Variants in GABRB3 observed in about 807,000 individuals in gnomAD.
GABRB3 encodes gamma-aminobutyric acid type A receptor subunit beta3.
GABRB3 carries 14 observed loss-of-function variants against 52.1 expected under a neutral mutation model. The observed-to-expected ratio is 0.27, with a 90% CI of 0.18 to 0.42. The LOEUF (loss-of-function observed/expected upper bound fraction) is 0.42, where lower values mean the gene tolerates loss of function less well. Ranked by LOEUF, GABRB3 falls within the 10% of genes least tolerant of loss-of-function variation. GABRB3 has a pLI of 1.00. For missense variants in GABRB3, 307 were observed against 609.1 expected (o/e 0.50, Z 5.22); for synonymous variants, 260 against 232.3 (o/e 1.12, Z -1.08).
intron 3 of GABRB3, among the ~76,000 whole-genome samples, chr15:26,631,668 G>C (rs771829465): frequency 6.6e-6 from 1 of 152,184 alleles, no homozygotes; most frequent in East Asian, 1.9e-4. Context: ...TACAAGGAAG[G>C]TTAGGCTGAG....
intron 8 of GABRB3, 35 bp downstream of exon 8, chr15:26,560,897 G>T: frequency 6.2e-7 from 1 of 1,612,796 alleles, no homozygotes; most frequent in South Asian, 1.1e-5. Context: ...CTGAGCTGCA[G>T]GGACCAGGTG....
intron 4 of GABRB3, chr15:26,616,201 GGTGGCTGAGCC>G: frequency 1.6e-6 from 1 of 637,238 alleles, no homozygotes; most frequent in Non-Finnish European, 2.5e-6. Context: ...GAGGATGGAG[GGTGGCTGAGCC>G]ATGTGAGCAC....
At chr15:26,578,822 G>T (rs999059075) in intron 6 of GABRB3, among the ~76,000 whole-genome samples, 1 of 152,218 alleles carries the variant, frequency 6.6e-6, no homozygotes, top group African/African-American at 2.4e-5. Context: ...CCCAGTTTTA[G>T]AAGTAACATA....
chr15:26,771,375 G>A (rs1891138230), intron 3 of GABRB3, among the ~76,000 whole-genome samples: 1 of 152,134 alleles, frequency 6.6e-6, no homozygotes, highest in Non-Finnish European at 1.5e-5. Flanking sequence ...TTGCCCACGT[G>A]ATTCCGACGT....
chr15:26,553,637 C>T (rs893269352), intron 8 of GABRB3: 1 of 152,098 alleles, frequency 6.6e-6, no homozygotes, highest in African/African-American at 2.4e-5. Context: ...TCATCCACTT[C>T]AGGACGTGCG....
rs1261178675 is a variant in GABRB3, at chr15:26,628,905, G to C, written c.241-7371C>G. ...AGGCCTTGGAAATCCGAGCTGGGAG[G>C]TGTGGGGGAGTCAGGTGCAAGAGCG... On this transcript the variant is annotated intron_variant, in intron 3 of 8. Coordinates refer to ENST00000311550, the MANE Select transcript of GABRB3 (RefSeq NM_000814.6). The C allele has an allele frequency of 1.1e-5, 15 of 1,417,154 alleles. No individual in the cohort carries two copies. In the Middle Eastern group the frequency reaches 5.2e-4, roughly 49 times the overall value. 87.8% of individuals were successfully genotyped at this position (1,417,154 alleles called of 1,614,324 possible). A position where few individuals can be genotyped will look rare whatever the true frequency, so the allele number is the denominator to read the frequency against.
In GABRB3 at chr15:26,628,940, C is replaced by T. The variant is rs1215425774; in HGVS notation, c.241-7406G>A. 7 of 1,533,486 alleles carry T rather than the reference C, an allele frequency of 4.6e-6. No individual in the cohort carries two copies. The East Asian group carries it at 1.7e-4, about 38-fold the overall frequency. The allele number at this position is 1,533,486 out of a possible 1,614,324, so 95.0% of individuals were successfully genotyped here. A position where few individuals can be genotyped will look rare whatever the true frequency, so the allele number is the denominator to read the frequency against. On this transcript the variant is annotated intron_variant, in intron 3 of 8. Transcript: ENST00000311550. ...GTCAGGTGCAAGAGCGCCTCCACTCCTTGTGACTGCCGAGAGCCCGCGTCC... is the reference window on the plus strand; with the variant it reads ...GTCAGGTGCAAGAGCGCCTCCACTCTTTGTGACTGCCGAGAGCCCGCGTCC...
At chr15:26,772,204 A>G in intron 3 of GABRB3, 198 bp downstream of exon 3, 1 of 491,940 alleles carries the variant, frequency 2.0e-6, no homozygotes. Context: ...CTCCGACGCC[A>G]GCCAGGCCCC....
chr15:26,627,522 G>A (rs1214870699), intron 3 of GABRB3, among the ~76,000 whole-genome samples: 1 of 151,650 alleles, frequency 6.6e-6, no homozygotes, highest in East Asian at 1.9e-4. Context: ...TATAGGAGGA[G>A]GTCAAAATAT....
At chr15:26,593,928 C>T (rs564900050) in intron 4 of GABRB3, among the ~76,000 whole-genome samples, 3 of 148,236 alleles carry the variant, frequency 2.0e-5, no homozygotes, top group South Asian at 2.2e-4. Flanking sequence ...ATCAGCAATC[C>T]CTAAGTGCCT....
chr15:26,599,746 C>CAACAAA (rs1198444924), intron 4 of GABRB3, among the ~76,000 whole-genome samples: 2 of 152,080 alleles, frequency 1.3e-5, no homozygotes, highest in African/African-American at 4.8e-5. Flanking sequence ...AACAAAACAA[C>CAACAAA]AACAAAAACA....
At chr15:26,688,100 G>A (rs945542348) in intron 3 of GABRB3, among the ~76,000 whole-genome samples, 1 of 152,176 alleles carries the variant, frequency 6.6e-6, no homozygotes, top group Non-Finnish European at 1.5e-5. Flanking sequence ...GGTCATTTGA[G>A]TGGAAAGCTC....
rs1595528527 is a variant in GABRB3 at position 26,683,642 on chromosome 15, G to T, written c.241-62108C>A. On this transcript the variant is annotated intron_variant, in intron 3 of 8. Coordinates refer to ENST00000311550, the MANE Select transcript of GABRB3 (RefSeq NM_000814.6). Reference sequence around the variant, plus strand: ...CCTCGTCTCCTGGAACTGGAAGACAGGAGGAATCTCAATACAGATCATGAG... The same window carrying T: ...CCTCGTCTCCTGGAACTGGAAGACATGAGGAATCTCAATACAGATCATGAG... Among the ~76,000 whole-genome samples, 3 of 152,298 alleles carry T rather than the reference G, an allele frequency of 2.0e-5. No individual in the cohort carries two copies. In the Middle Eastern group the frequency reaches 0.01, roughly 518 times the overall value.
chr15:26,738,568 C>G (rs1890124114), intron 3 of GABRB3, among the ~76,000 whole-genome samples: 1 of 152,292 alleles, frequency 6.6e-6, no homozygotes, highest in East Asian at 1.9e-4. Context: ...GTGGTGAATA[C>G]TCTCACACAC....
chr15:26,639,382 G>T (rs567443916), intron 3 of GABRB3, among the ~76,000 whole-genome samples: 1 of 151,186 alleles, frequency 6.6e-6, no homozygotes, highest in Non-Finnish European at 1.5e-5. Flanking sequence ...TACCAAACAG[G>T]TACATTTTTT....
At chr15:26,637,294 CT>C (rs2140566898) in intron 3 of GABRB3, among the ~76,000 whole-genome samples, 2 of 152,342 alleles carry the variant, frequency 1.3e-5, no homozygotes, top group East Asian at 3.9e-4. Flanking sequence ...TTAGTCAGGT[CT>C]GCTCAGATTC....
chr15:26,683,745 A>C (rs969818679), intron 3 of GABRB3, among the ~76,000 whole-genome samples: 2 of 152,240 alleles, frequency 1.3e-5, no homozygotes, highest in African/African-American at 4.8e-5. Context: ...CAAAACACAA[A>C]CAACCTGTTA....
intron 3 of GABRB3, among the ~76,000 whole-genome samples, chr15:26,752,836 C>T (rs1036555258): frequency 4.6e-5 from 7 of 152,120 alleles, no homozygotes; most frequent in African/African-American, 1.4e-4. Flanking sequence ...TTCCGAGGGA[C>T]GCTACACGCC....
intron 4 of GABRB3, chr15:26,612,151 T>C (rs1440667753): frequency 6.6e-6 from 1 of 152,140 alleles, no homozygotes; most frequent in Non-Finnish European, 1.5e-5. Flanking sequence ...GTGCAGCTCA[T>C]CCTTCATGGT....
Sources: gnomAD v4.1 joint callset for allele counts (sites outside exome capture counted in the v4.1 genomes callset) on GRCh38, gnomAD v4.1.1 for gene constraint, MANE v1.5 for transcripts, NCBI Gene and HGNC (gene_info 2026-07-23, HGNC 2026-07-21) for gene names.